Variants in KRT77 observed in about 807,000 individuals in gnomAD.
The protein encoded by KRT77 is keratin, type II cytoskeletal 1b.
Under a neutral mutation model 51.5 loss-of-function variants are expected in KRT77, and 44 were observed. That is an observed-to-expected ratio of 0.85 (90% confidence interval 0.67 to 1.10). The LOEUF (loss-of-function observed/expected upper bound fraction) is 1.10, where lower values mean the gene tolerates loss of function less well. Ranked by LOEUF, KRT77 falls within the 50% of genes least tolerant of loss-of-function variation. The pLI is 0.00. For synonymous variants in KRT77, 293 were observed against 302.0 expected (o/e 0.97, Z 0.31); for missense variants, 763 against 743.9 (o/e 1.03, Z -0.30).
intron 5 of KRT77, 74 bp from the exon 6 acceptor site, chr12:52,692,954 G>GCTGC: frequency 6.5e-7 from 1 of 1,527,560 alleles, no homozygotes; most frequent in African/African-American, 1.3e-5. Flanking sequence ...GTAGGTCTGG[G>GCTGC]CTGCTCTCCC....
At chr12:52,692,109 T>A in intron 7 of KRT77, 137 bp from the exon 8 acceptor site, 1 of 930,018 alleles carries the variant, frequency 1.1e-6, no homozygotes, top group Non-Finnish European at 1.7e-6. Flanking sequence ...AGGAAGCCAG[T>A]GGGGCAGAGA....
intron 1 of KRT77, among the ~76,000 whole-genome samples, chr12:52,700,810 T>C (rs1941877191): frequency 6.6e-6 from 1 of 152,206 alleles, no homozygotes; most frequent in African/African-American, 2.4e-5. Flanking sequence ...AAGAAGCCAC[T>C]GGAGGATTCA....
chr12:52,698,813 C>A (rs529523795), intron 1 of KRT77, among the ~76,000 whole-genome samples: 1 of 152,244 alleles, frequency 6.6e-6, no homozygotes, highest in African/African-American at 2.4e-5. Flanking sequence ...CGCATGCAGG[C>A]GCACACGCCC....
In KRT77 at chr12:52,697,673, G is replaced by T. The variant is rs777416600; in HGVS notation, c.758+9C>A. 4 of 1,608,120 alleles carry T rather than the reference G, an allele frequency of 2.5e-6. No homozygotes were observed. The African/African-American group carries it at 4.1e-5, about 16-fold the overall frequency. On this transcript the variant is annotated intron_variant, in intron 2 of 8. Transcript: ENST00000341809. The stretch of plus-strand genomic sequence containing the variant: ...CTTCTCCCCTGTTTTGCCCTGCCTG[G>T]AGTCTCACTTGCTCTTGTAGTCCTC...
rs750583026 is a variant in KRT77, at chr12:52,691,299, C to T, written c.1603G>A (p.Gly535Arg). The T allele has an allele frequency of 1.2e-6, 2 of 1,601,600 alleles. No individual in the cohort carries two copies. Among genetic ancestry groups the T allele is most frequent in the South Asian group, 1.1e-5 (1 of 90,156 alleles). ...CCGCAGCCGCTGCCATAACCGCCTC[C>T]ACTCCTGCCTCGTGCCCCGCCTCCG... ...YRGGGARGRS[G>R]GGYGSGCGGG... The change falls in exon 9 of 9, where the codon GGA becomes AGA. Residue 535 changes from glycine (G) to arginine (R), a missense_variant. Transcript: ENST00000341809.
Position 52,692,864 on chromosome 12 carries a change from A to T in KRT77, c.1097T>A (p.Ile366Asn), listed in dbSNP as rs1218282171. ...LYQTKYQELQITAGRHGDDLK... is the reference protein window; with the variant it reads ...LYQTKYQELQNTAGRHGDDLK... ...GTCGTCTCCATGTCTCCCTGCCGTG[A>T]TCTGGAGCTCCTGGTACTGGGGCCA... Residue 366 changes from isoleucine (I) to asparagine (N), a missense_variant, in exon 6 of 9, where the codon ATC becomes AAC. Physicochemically the swap from Ile to Asn is moderately radical, Grantham distance 149. Transcript: ENST00000341809. The T allele has an allele frequency of 6.2e-7, 1 of 1,603,966 alleles. No individual in the cohort carries two copies. The highest frequency in any genetic ancestry group is 8.5e-7 in the Non-Finnish European group (1 of 1,171,512).
At chr12:52,698,963 C>G (rs969660752) in intron 1 of KRT77, among the ~76,000 whole-genome samples, 1 of 152,232 alleles carries the variant, frequency 6.6e-6, no homozygotes, top group Non-Finnish European at 1.5e-5. Context: ...TCCAAATCCC[C>G]CGGCCCTTGA....
chr12:52,699,186 G>T (rs1219496742), intron 1 of KRT77, among the ~76,000 whole-genome samples: 4 of 152,210 alleles, frequency 2.6e-5, no homozygotes, highest in Non-Finnish European at 5.9e-5. Flanking sequence ...CTCTGTGGTG[G>T]CACTCCCAGG....
chr12:52,691,513 T>G, intron 8 of KRT77, 74 bp from the exon 9 acceptor site: 4 of 1,465,764 alleles, frequency 2.7e-6, no homozygotes, highest in Non-Finnish European at 3.6e-6. Context: ...CCCCTGCACC[T>G]GCAGCCTCCT....
chr12:52,691,304 C>T lies in KRT77; in HGVS notation c.1598G>A (p.Arg533Lys). The T allele has an allele frequency of 6.2e-7, 1 of 1,601,196 alleles. No homozygotes were observed. The highest frequency in any genetic ancestry group is 1.7e-5 in the Admixed American group (1 of 58,410). Residue 533 changes from arginine (R) to lysine (K), a missense_variant, in exon 9 of 9, where the codon AGG becomes AAG. Physicochemically the swap from Arg to Lys is conservative, Grantham distance 26. Coordinates refer to ENST00000341809, the MANE Select transcript of KRT77 (RefSeq NM_175078.3). ...GCCGCTGCCATAACCGCCTCCACTC[C>T]TGCCTCGTGCCCCGCCTCCGCGGTA... ...RSYRGGGARG[R>K]SGGGYGSGCG...
chr12:52,702,801 A>T, intron 1 of KRT77, 91 bp downstream of exon 1: 1 of 1,346,344 alleles, frequency 7.4e-7, no homozygotes, highest in Non-Finnish European at 1.0e-6. Flanking sequence ...TCAAGCTGAA[A>T]CAGCACGATG....
At chr12:52,701,447 C>A (rs1941886321) in intron 1 of KRT77, among the ~76,000 whole-genome samples, 1 of 152,194 alleles carries the variant, frequency 6.6e-6, no homozygotes, top group African/African-American at 2.4e-5. Flanking sequence ...GCCTGCCCTG[C>A]CACCCAGTAT....
At position 52,690,758 on chromosome 12, in the gene KRT77, C is replaced by G. The variant is rs1941691227; in HGVS notation, c.*407G>C. The G allele has an allele frequency of 3.2e-6, 1 of 316,026 alleles. No homozygotes were observed. Among genetic ancestry groups the G allele is most frequent in the Admixed American group, 4.9e-5 (1 of 20,478 alleles). 19.6% of individuals were successfully genotyped at this position (316,026 alleles called of 1,614,324 possible). A position where few individuals can be genotyped will look rare whatever the true frequency, so the allele number is the denominator to read the frequency against. On this transcript the variant is annotated 3_prime_UTR_variant, in exon 9 of 9. Coordinates refer to ENST00000341809, the MANE Select transcript of KRT77 (RefSeq NM_175078.3). ...TAATACTTAGCTGCAGTGGCTTGAA[C>G]TGGGGCATAAGGGCATTCTACTTGG...
rs552936060 is a variant in KRT77 at position 52,693,821 on chromosome 12, T to C, written c.1080+805A>G. Among the ~76,000 whole-genome samples, 5 of 150,718 alleles carry C rather than the reference T, an allele frequency of 3.3e-5. No homozygotes were observed. In the South Asian group the frequency reaches 6.3e-4, roughly 19 times the overall value. ...TGTCACAGAAAAGTATCCATATGTG[T>C]TAAGTAAAAGAGAAAGTATAGCCTG... On this transcript the variant is annotated intron_variant, in intron 5 of 8. Coordinates refer to ENST00000341809, the MANE Select transcript of KRT77 (RefSeq NM_175078.3).
In KRT77 at chr12:52,690,360, G is replaced by A. The variant is rs968378727; in HGVS notation, c.*805C>T. 1.3e-5 allele frequency: 2 copies of A among 152,294 alleles called. No individual in the cohort carries two copies. Among genetic ancestry groups the A allele is most frequent in the East Asian group, 3.8e-4 (2 of 5,200 alleles). The allele number at this position is 152,294 out of a possible 1,614,324, so 9.4% of individuals were successfully genotyped here. ...GTTTACACAGGGGAGAATGCTTCCT[G>A]AAACAGAGGTTCAGAATCAGGACAG... On this transcript the variant is annotated 3_prime_UTR_variant, in exon 9 of 9. Transcript: ENST00000341809.
rs747518466 is a variant in KRT77, at chr12:52,695,798, T to C, written c.889A>G (p.Asn297Asp). ...SRVDTLTGEV[N>D]FLKYLFLTEL... ...GTCAAAAATAAATATTTCAAGAAAT[T>C]GACCTCCCCAGTCAGAGTGTCCACC... The change falls in exon 4 of 9, where the codon AAT (asparagine) becomes GAT (aspartate). Residue 297 changes from asparagine to aspartate, a missense_variant. Transcript: ENST00000341809. 7 of 1,613,762 alleles carry C rather than the reference T, an allele frequency of 4.3e-6. No individual in the cohort carries two copies. Among genetic ancestry groups the C allele is most frequent in the Admixed American group, 1.7e-5 (1 of 60,028 alleles).
Position 52,691,022 on chromosome 12 carries a change from C to T in KRT77, c.*143G>A. The T allele has an allele frequency of 1.7e-6, 2 of 1,166,184 alleles. No individual in the cohort carries two copies. Among genetic ancestry groups the T allele is most frequent in the South Asian group, 1.4e-5 (1 of 69,810 alleles). The allele number at this position is 1,166,184 out of a possible 1,614,324, so 72.2% of individuals were successfully genotyped here. On this transcript the variant is annotated 3_prime_UTR_variant, in exon 9 of 9. Transcript: ENST00000341809. ...GTTTGGACTTATCCACCCTGCTTCC[C>T]CCATTAGAGTCGAATTTATTGGCAA...
intron 1 of KRT77, among the ~76,000 whole-genome samples, chr12:52,698,466 T>C (rs1233140953): frequency 6.6e-6 from 1 of 152,210 alleles, no homozygotes; most frequent in Non-Finnish European, 1.5e-5. Context: ...GACAGAATTT[T>C]TAAGGCAAAT....
In KRT77 at chr12:52,703,477, G is replaced by A. The variant is rs374811280; in HGVS notation, c.-43C>T. Reference sequence around the variant, plus strand: ...GAGAAGCAGGCAAGAGAAAGAGCCTGGCAGGAAGGAGGCAGAGACCAGAGA... The same window carrying A: ...GAGAAGCAGGCAAGAGAAAGAGCCTAGCAGGAAGGAGGCAGAGACCAGAGA... On this transcript the variant is annotated 5_prime_UTR_variant, in exon 1 of 9. Coordinates refer to ENST00000341809, the MANE Select transcript of KRT77 (RefSeq NM_175078.3). The A allele has an allele frequency of 8.4e-5, 128 of 1,519,168 alleles. No homozygotes were observed. The highest frequency in any genetic ancestry group is 1.1e-4 in the Non-Finnish European group (120 of 1,131,672). 94.1% of individuals were successfully genotyped at this position (1,519,168 alleles called of 1,614,324 possible). A position where few individuals can be genotyped will look rare whatever the true frequency, so the allele number is the denominator to read the frequency against.
Sources: gnomAD v4.1 joint callset for allele counts (sites outside exome capture counted in the v4.1 genomes callset) on GRCh38, gnomAD v4.1.1 for gene constraint, MANE v1.5 for transcripts, NCBI Gene and HGNC (gene_info 2026-07-23, HGNC 2026-07-21) for gene names.